The following PGR variants were observed in gnomAD, a reference collection of about 807,000 sequenced individuals.
The protein encoded by PGR is nuclear receptor subfamily 3 group C member 3.
A neutral mutation model predicts 76.1 loss-of-function variants in PGR; 25 were observed. That is an observed-to-expected ratio of 0.33 (90% CI 0.24 to 0.46). The LOEUF is 0.46. Ranked by LOEUF, PGR falls within the 20% of genes least tolerant of loss-of-function variation. PGR has a pLI of 1.00. For synonymous variants in PGR, 579 were observed against 535.0 expected, an observed-to-expected ratio of 1.08 and a Z score of -1.14; for missense variants, 1,172 against 1,225.3, an observed-to-expected ratio of 0.96 and a Z score of 0.65.
chr11:101,127,879 C>T lies in PGR; in HGVS notation c.1192G>A (p.Ala398Thr), dbSNP rs747217871. The part of the protein sequence containing the change: ...KEEEEGAEAS[A>T]RSPRSYLVAG... Reference sequence around the variant, plus strand: ...ACAAGGTAGGAACGCGGGGAGCGCGCGGAGGCCTCCGCGCCTTCCTCCTCC... The same window carrying T: ...ACAAGGTAGGAACGCGGGGAGCGCGTGGAGGCCTCCGCGCCTTCCTCCTCC... Residue 398 changes from alanine (A) to threonine (T), a missense_variant, in exon 1 of 8, where the codon GCG becomes ACG. This residue lies in a region of PGR where 893 missense variants were observed against 785.9 expected (regional missense o/e 1.14). Transcript: ENST00000325455. The T allele has an allele frequency of 6.2e-6, 10 of 1,602,354 alleles. No homozygotes were observed. Among genetic ancestry groups the T allele is most frequent in the Non-Finnish European group, 4.2e-6 (5 of 1,177,642 alleles).
chr11:101,116,358 G>A (rs976778735), intron 2 of PGR, among the ~76,000 whole-genome samples: 1 of 152,242 alleles, frequency 6.6e-6, no homozygotes, highest in Non-Finnish European at 1.5e-5. Flanking sequence ...TAGGGCAGCA[G>A]AGGCTAGCTG....
chr11:101,087,309 T>C (rs1160230386), intron 3 of PGR, among the ~76,000 whole-genome samples: 2 of 152,082 alleles, frequency 1.3e-5, no homozygotes, highest in Non-Finnish European at 2.9e-5. Context: ...TTTGACAATG[T>C]TGACAAAAAT....
intron 2 of PGR, among the ~76,000 whole-genome samples, chr11:101,092,426 T>C (rs927372733): frequency 1.3e-5 from 2 of 152,338 alleles, no homozygotes; most frequent in East Asian, 1.9e-4. Context: ...TCACTTATTG[T>C]ACTGAATTTA....
rs180736835 is a variant in PGR at position 101,074,748 on chromosome 11, T to C, written c.1907-11996A>G. 2.0e-3 allele frequency among the ~76,000 whole-genome samples: 311 copies of C among 152,010 alleles called. 1 individual carries two copies. Among genetic ancestry groups the C allele is most frequent in the African/African-American group, 6.9e-3 (287 of 41,438 alleles). The stretch of plus-strand genomic sequence containing the variant: ...CACAATTGCTACAAAAGGAGTAAAA[T>C]AGCTAGGAATACAAGTCACGAGAAA... On this transcript the variant is annotated intron_variant, in intron 3 of 7. Coordinates refer to ENST00000325455, the MANE Select transcript of PGR (RefSeq NM_000926.4).
chr11:101,090,842 A>C (rs1162435539), intron 3 of PGR, among the ~76,000 whole-genome samples: 1 of 152,246 alleles, frequency 6.6e-6, no homozygotes, highest in East Asian at 1.9e-4. Context: ...TTGCAAAAAC[A>C]AATGAGGTGA....
At chr11:101,123,790 T>A (rs970188352) in intron 2 of PGR, among the ~76,000 whole-genome samples, 1 of 152,234 alleles carries the variant, frequency 6.6e-6, no homozygotes, top group African/African-American at 2.4e-5. Context: ...CTCATATACA[T>A]TACAGAATTG....
At chr11:101,086,756 A>G (rs1216822157) in intron 3 of PGR, among the ~76,000 whole-genome samples, 2 of 152,204 alleles carry the variant, frequency 1.3e-5, no homozygotes, top group East Asian at 3.8e-4. Flanking sequence ...CAAAATGAAC[A>G]TGTAAAAATT....
chr11:101,088,129 T>C (rs570620707), intron 3 of PGR, among the ~76,000 whole-genome samples: 3 of 152,076 alleles, frequency 2.0e-5, no homozygotes, highest in African/African-American at 4.8e-5. Flanking sequence ...GCCCAGGAGA[T>C]TGAGGCTGCA....
intron 2 of PGR, among the ~76,000 whole-genome samples, chr11:101,123,936 C>T (rs1193897636): frequency 6.6e-6 from 1 of 152,198 alleles, no homozygotes; most frequent in Non-Finnish European, 1.5e-5. Flanking sequence ...CTTTTACATA[C>T]TTTACAAGTA....
At chr11:101,089,883 T>A (rs1181784662) in intron 3 of PGR, among the ~76,000 whole-genome samples, 1 of 152,052 alleles carries the variant, frequency 6.6e-6, no homozygotes, top group Non-Finnish European at 1.5e-5. Flanking sequence ...TTAGAGAAGA[T>A]AAAGGATTAC....
At position 101,038,845 on chromosome 11, in the gene PGR, A is replaced by G; in HGVS notation, c.*271T>C. On this transcript the variant is annotated 3_prime_UTR_variant, in exon 8 of 8. Transcript: ENST00000325455. Reference sequence around the variant, plus strand: ...ACCTACATGGTATGAAATAATATGGATAAGATAGTTTACTTTAACAATTTT... The same window carrying G: ...ACCTACATGGTATGAAATAATATGGGTAAGATAGTTTACTTTAACAATTTT... The G allele has an allele frequency of 2.8e-6, 1 of 361,786 alleles. No individual in the cohort carries two copies. Among genetic ancestry groups the G allele is most frequent in the Non-Finnish European group, 5.0e-6 (1 of 201,094 alleles). 22.4% of individuals were successfully genotyped at this position (361,786 alleles called of 1,614,324 possible). A position where few individuals can be genotyped will look rare whatever the true frequency, so the allele number is the denominator to read the frequency against.
chr11:101,094,788 G>A (rs1861785511), intron 2 of PGR, among the ~76,000 whole-genome samples: 1 of 152,168 alleles, frequency 6.6e-6, no homozygotes, highest in South Asian at 2.1e-4. Flanking sequence ...TGGTTTGAAT[G>A]TTTGTGTCCC....
rs11571193 is a variant in PGR, at chr11:101,079,119, C to T, written c.1906+12641G>A. On this transcript the variant is annotated intron_variant, in intron 3 of 7. Transcript: ENST00000325455. ...CTAGATCACTATCACTCACCACATACGAAAATAAAATCAAAATCGATTAAA... is the reference window on the plus strand; with the variant it reads ...CTAGATCACTATCACTCACCACATATGAAAATAAAATCAAAATCGATTAAA... 2.1e-4 allele frequency among the ~76,000 whole-genome samples: 32 copies of T among 152,124 alleles called. 2 individuals are homozygous for T. In the South Asian group the frequency reaches 2.5e-3, roughly 12 times the overall value.
chr11:101,127,340 T>C, intron 1 of PGR, 94 bp downstream of exon 1: 1 of 940,786 alleles, frequency 1.1e-6, no homozygotes, highest in Non-Finnish European at 1.5e-6. Context: ...AGCGCAGCGG[T>C]GCGCTGGGGC....
intron 6 of PGR, among the ~76,000 whole-genome samples, chr11:101,047,653 G>A (rs1262180643): frequency 6.6e-6 from 1 of 152,118 alleles, no homozygotes; most frequent in Non-Finnish European, 1.5e-5. Context: ...ATGTTGCCAA[G>A]AAAGACCTTA....
chr11:101,079,836 T>C (rs1861241995), intron 3 of PGR, among the ~76,000 whole-genome samples: 2 of 152,220 alleles, frequency 1.3e-5, no homozygotes, highest in South Asian at 4.1e-4. Flanking sequence ...CTATATATAA[T>C]TGTCATTTAC....
At chr11:101,043,462 T>C (rs1859762098) in intron 6 of PGR, among the ~76,000 whole-genome samples, 1 of 152,156 alleles carries the variant, frequency 6.6e-6, no homozygotes, top group African/African-American at 2.4e-5. Context: ...AGGGATGAAA[T>C]AAACTTCTTC....
At chr11:101,126,253 G>T (rs1004428969) in intron 1 of PGR, 95 bp from the exon 2 acceptor site, 2 of 1,208,346 alleles carry the variant, frequency 1.7e-6, no homozygotes, top group Admixed American at 1.9e-5. Context: ...GGTGAAAGGA[G>T]ATTTTAAAAA....
At chr11:101,112,301 G>A (rs1438589237) in intron 2 of PGR, among the ~76,000 whole-genome samples, 8 of 152,186 alleles carry the variant, frequency 5.3e-5, no homozygotes, top group Admixed American at 5.2e-4. Context: ...ATGAGAAAAG[G>A]AAGAGCATGT....
Sources: gnomAD v4.1 joint callset for allele counts (sites outside exome capture counted in the v4.1 genomes callset) on GRCh38, gnomAD v4.1.1 for gene constraint, gnomAD v4.1.1 regional missense constraint, MANE v1.5 for transcripts, NCBI Gene and HGNC (gene_info 2026-07-23, HGNC 2026-07-21) for gene names.